SEL1L2: variants seen among roughly 807,000 people sequenced by gnomAD.
The protein encoded by SEL1L2 is protein sel-1 homolog 2.
In SEL1L2, 89 loss-of-function variants were observed where a neutral mutation model predicts 98.8. The observed-to-expected ratio is 0.90, with a 90% CI of 0.76 to 1.07. The LOEUF (loss-of-function observed/expected upper bound fraction) is 1.07, where lower values mean the gene tolerates loss of function less well. Among genes scored for constraint, SEL1L2 ranks in the 50% least tolerant of loss-of-function variants. The probability of loss-of-function intolerance (pLI) is 0.00; values close to 1 mark genes in which losing one functional copy is unlikely to be tolerated. For missense variants in SEL1L2, 788 were observed against 812.0 expected, an observed-to-expected ratio of 0.97 and a Z score of 0.36; for synonymous variants, 262 against 278.5, an observed-to-expected ratio of 0.94 and a Z score of 0.59.
chr20:13,869,192 GC>G (rs748314664), intron 14 of SEL1L2, among the ~76,000 whole-genome samples: 7 of 151,988 alleles, frequency 4.6e-5, no homozygotes, highest in Non-Finnish European at 1.5e-5. Flanking sequence ...GCGTGCTGAT[GC>G]CTCTCGAACC....
chr20:13,872,468 T>G (rs923394922), intron 12 of SEL1L2, among the ~76,000 whole-genome samples: 7 of 152,282 alleles, frequency 4.6e-5, no homozygotes, highest in African/African-American at 1.7e-4. Flanking sequence ...CGTGGTTGCT[T>G]TCCCTTCTGC....
At chr20:13,904,441 T>A (rs2047826912) in intron 5 of SEL1L2, among the ~76,000 whole-genome samples, 1 of 152,040 alleles carries the variant, frequency 6.6e-6, no homozygotes, top group African/African-American at 2.4e-5. Flanking sequence ...GGCAGGAGAA[T>A]CGCTTGAACC....
intron 2 of SEL1L2, among the ~76,000 whole-genome samples, chr20:13,944,712 T>C (rs1017901761): frequency 1.3e-5 from 2 of 152,186 alleles, no homozygotes; most frequent in East Asian, 1.9e-4. Context: ...GAGTTGATGA[T>C]GGGTGGATAT....
intron 19 of SEL1L2, 32 bp from the exon 20 acceptor site, chr20:13,849,636 T>G (rs1324478693): frequency 6.2e-7 from 1 of 1,609,038 alleles, no homozygotes; most frequent in Admixed American, 1.7e-5. Context: ...TCAAAAACAA[T>G]CCAAGCTTCC....
chr20:13,874,878 T>C (rs114515109), intron 12 of SEL1L2, among the ~76,000 whole-genome samples: 197 of 152,258 alleles, frequency 1.3e-3, no homozygotes, highest in African/African-American at 4.3e-3. Context: ...GACAACAAAA[T>C]GCTTCCTACT....
At chr20:13,951,647 A>T (rs1235652890) in intron 2 of SEL1L2, among the ~76,000 whole-genome samples, 1 of 136,942 alleles carries the variant, frequency 7.3e-6, no homozygotes, top group African/African-American at 2.7e-5. Context: ...ATGTAGAAAT[A>T]GTGATTCTTG....
At chr20:13,987,966 A>G (rs1437106822) in intron 1 of SEL1L2, among the ~76,000 whole-genome samples, 1 of 152,166 alleles carries the variant, frequency 6.6e-6, no homozygotes, top group African/African-American at 2.4e-5. Flanking sequence ...CCAAAACAGA[A>G]GAGTTTTTAG....
At chr20:13,871,556 G>A (rs192945621) in intron 12 of SEL1L2, among the ~76,000 whole-genome samples, 1 of 151,476 alleles carries the variant, frequency 6.6e-6, no homozygotes, top group East Asian at 1.9e-4. Flanking sequence ...CTGTTGCCCA[G>A]GCTGGAGTGC....
chr20:13,924,323 T>G (rs2048787288), intron 3 of SEL1L2, among the ~76,000 whole-genome samples: 1 of 152,090 alleles, frequency 6.6e-6, no homozygotes, highest in African/African-American at 2.4e-5. Context: ...GACAATTTCT[T>G]CTGATTTTTC....
chr20:13,883,385 G>A (rs1002020208), intron 10 of SEL1L2, among the ~76,000 whole-genome samples: 1 of 152,172 alleles, frequency 6.6e-6, no homozygotes, highest in African/African-American at 2.4e-5. Flanking sequence ...TTTAGAGGCT[G>A]TTTTTTGTTT....
chr20:13,964,732 T>C (rs1328362754), intron 1 of SEL1L2, among the ~76,000 whole-genome samples: 1 of 151,846 alleles, frequency 6.6e-6, no homozygotes, highest in African/African-American at 2.4e-5. Context: ...GGCGGCCATC[T>C]CTGCTTCTTA....
In SEL1L2 at chr20:13,899,598, C is replaced by A. The variant is rs1307507801; in HGVS notation, c.550-11086G>T. The stretch of plus-strand genomic sequence containing the variant: ...GAAGGAACGAACTTCCTCCCTCAAG[C>A]CCTTTTTTTTATAAGGGCACCTAGT... On this transcript the variant is annotated intron_variant, in intron 5 of 19. Transcript: ENST00000284951. Among the ~76,000 whole-genome samples, 2 of 152,130 alleles carry A rather than the reference C, an allele frequency of 1.3e-5. 1 individual carries two copies. The highest frequency in any genetic ancestry group is 2.9e-5 in the Non-Finnish European group (2 of 68,034).
intron 4 of SEL1L2, among the ~76,000 whole-genome samples, chr20:13,917,146 C>A (rs889070443): frequency 5.9e-5 from 9 of 152,164 alleles, no homozygotes; most frequent in Non-Finnish European, 2.9e-5. Flanking sequence ...CATCTGAAAT[C>A]TCAGGGACCA....
At chr20:13,866,548 T>C (rs1318405091) in intron 15 of SEL1L2, among the ~76,000 whole-genome samples, 154 bp downstream of exon 15, 1 of 152,194 alleles carries the variant, frequency 6.6e-6, no homozygotes, top group Non-Finnish European at 1.5e-5. Flanking sequence ...CATCACTGCT[T>C]TTCCCCTCTG....
At chr20:13,898,477 G>A (rs1007192850) in intron 5 of SEL1L2, among the ~76,000 whole-genome samples, 1 of 152,102 alleles carries the variant, frequency 6.6e-6, no homozygotes, top group Non-Finnish European at 1.5e-5. Context: ...CCACACAGGA[G>A]GTATCTGAGA....
chr20:13,978,580 A>G (rs2051656206), intron 1 of SEL1L2, among the ~76,000 whole-genome samples: 1 of 152,204 alleles, frequency 6.6e-6, no homozygotes, highest in Non-Finnish European at 1.5e-5. Context: ...AAGAAAAGGA[A>G]ATCAGTATAC....
rs1395930158 is a variant in SEL1L2, at chr20:13,865,212, T to C, written c.1600A>G (p.Met534Val). 1.2e-6 allele frequency: 2 copies of C among 1,613,808 alleles called. No individual in the cohort carries two copies. Among genetic ancestry groups the C allele is most frequent in the South Asian group, 2.2e-5 (2 of 91,064 alleles). The change falls in exon 17 of 20, where the codon ATG (methionine) becomes GTG (valine). Residue 534 changes from methionine (M) to valine (V), a missense_variant. Coordinates refer to ENST00000284951, the MANE Select transcript of SEL1L2 (RefSeq NM_025229.2). ...KKANILEKEKMYPMALLLWNR... is the reference protein window; with the variant it reads ...KKANILEKEKVYPMALLLWNR... ...CATAGGAGAAGCGCCATTGGATACATCTTCTCTTTTTCAAGAATGTTAGCC... is the reference window on the plus strand; with the variant it reads ...CATAGGAGAAGCGCCATTGGATACACCTTCTCTTTTTCAAGAATGTTAGCC...
chr20:13,888,169 A>C (rs548764048), intron 6 of SEL1L2, among the ~76,000 whole-genome samples, 168 bp from the exon 7 acceptor site: 5 of 152,320 alleles, frequency 3.3e-5, no homozygotes, highest in African/African-American at 1.2e-4. Flanking sequence ...TTTGCCATTT[A>C]TTAGGGGTTA....
intron 2 of SEL1L2, among the ~76,000 whole-genome samples, chr20:13,945,394 G>A (rs1226119172): frequency 6.6e-6 from 1 of 151,280 alleles, no homozygotes; most frequent in East Asian, 1.9e-4. Context: ...ATATGTGAGG[G>A]GTGTGTGTAT....
Sources: allele counts gnomAD v4.1 joint callset (sites outside exome capture counted in the v4.1 genomes callset), GRCh38; gene constraint gnomAD v4.1.1; transcripts MANE v1.5; gene names NCBI Gene and HGNC (gene_info 2026-07-23, HGNC 2026-07-21).